Variants in POLK observed in about 807,000 individuals in gnomAD.
The protein encoded by POLK is DNA polymerase kappa.
Under a neutral mutation model 94.0 loss-of-function variants are expected in POLK, and 76 were observed. That is an observed-to-expected ratio of 0.81 (90% CI 0.67 to 0.98). The LOEUF is 0.98. Among genes scored for constraint, POLK ranks in the 50% least tolerant of loss-of-function variants. The probability of loss-of-function intolerance (pLI) is 0.00; values close to 1 mark genes in which losing one functional copy is unlikely to be tolerated. For synonymous variants in POLK, 349 were observed against 325.4 expected (o/e 1.07, Z -0.78); for missense variants, 954 against 1,010.1 (o/e 0.94, Z 0.75).
chr5:75,603,588 CA>C, downstream of POLK, among the ~76,000 whole-genome samples: 1 of 152,216 alleles, frequency 6.6e-6, no homozygotes, highest in Admixed American at 6.5e-5. Context: ...AGCCAGTTCA[CA>C]AAATTCCTGA....
intron 11 of POLK, among the ~76,000 whole-genome samples, chr5:75,592,908 T>C (rs1214071524): frequency 1.3e-5 from 2 of 151,336 alleles, no homozygotes; most frequent in Admixed American, 6.6e-5. Flanking sequence ...ATGTAAAAAT[T>C]AGCTGGGCAT....
downstream of POLK, among the ~76,000 whole-genome samples, chr5:75,602,300 CAG>C (rs1773312780): frequency 6.6e-6 from 1 of 152,182 alleles, no homozygotes; most frequent in Non-Finnish European, 1.5e-5. Context: ...CATTCAAAAA[CAG>C]ACATTCGCCA....
chr5:75,539,657 C>T (rs891636084), intron 1 of POLK, among the ~76,000 whole-genome samples: 1 of 152,020 alleles, frequency 6.6e-6, no homozygotes, highest in Non-Finnish European at 1.5e-5. Context: ...AGGCGTCTTA[C>T]TCTCTTGCCC....
intron 9 of POLK, among the ~76,000 whole-genome samples, chr5:75,586,673 T>G (rs920929165): frequency 1.3e-5 from 2 of 152,192 alleles, no homozygotes; most frequent in African/African-American, 4.8e-5. Context: ...TTAAATTATT[T>G]AACATTTAAT....
chr5:75,548,686 T>G (rs1770178798), intron 2 of POLK, among the ~76,000 whole-genome samples: 1 of 151,926 alleles, frequency 6.6e-6, no homozygotes, highest in East Asian at 1.9e-4. Flanking sequence ...GCAACTTACT[T>G]TAAAATGGTT....
intron 3 of POLK, among the ~76,000 whole-genome samples, chr5:75,566,731 G>A (rs1027350657): frequency 6.6e-6 from 1 of 152,096 alleles, no homozygotes; most frequent in Admixed American, 6.5e-5. Flanking sequence ...GAGGTGAGCC[G>A]GGTACCTCAG....
At chr5:75,552,348 G>A in intron 2 of POLK, 124 bp from the exon 3 acceptor site, 1 of 790,892 alleles carries the variant, frequency 1.3e-6, no homozygotes, top group East Asian at 2.8e-5. Context: ...CTAGTAAGTA[G>A]TAGAGCTAAG....
At chr5:75,534,125 G>T (rs1005183459) in intron 1 of POLK, among the ~76,000 whole-genome samples, 2 of 152,102 alleles carry the variant, frequency 1.3e-5, no homozygotes, top group African/African-American at 4.8e-5. Context: ...AATTAGCTGG[G>T]CATGGTGGTG....
In POLK at chr5:75,537,364, C is replaced by G. The variant is rs543543277; in HGVS notation, c.-13-9646C>G. ...GAAAGTGTGAATCCCCCTGGGGGCT[C>G]TCACTCACCGTTTGCGGTGTTGGTT... On this transcript the variant is annotated intron_variant, in intron 1 of 14. Transcript: ENST00000241436. 5.3e-5 allele frequency among the ~76,000 whole-genome samples: 8 copies of G among 152,338 alleles called. No individual in the cohort carries two copies. The South Asian group carries it at 1.5e-3, about 28-fold the overall frequency.
chr5:75,534,264 T>C (rs1191808746), intron 1 of POLK, among the ~76,000 whole-genome samples: 1 of 145,642 alleles, frequency 6.9e-6, no homozygotes, highest in Non-Finnish European at 1.5e-5. Flanking sequence ...AGACCCTGTC[T>C]TAAAAAAAAA....
chr5:75,565,083 T>A (rs1909719), intron 3 of POLK, among the ~76,000 whole-genome samples: 18,943 of 152,178 alleles, frequency 0.12, 1,292 homozygotes, highest in South Asian at 0.22. Flanking sequence ...TTGTTCCTTT[T>A]ATTCTTTTTT....
chr5:75,523,057 C>G (rs1768661817), intron 1 of POLK, among the ~76,000 whole-genome samples: 1 of 152,132 alleles, frequency 6.6e-6, no homozygotes, highest in African/African-American at 2.4e-5. Flanking sequence ...CTTCCCCTGT[C>G]TCAGGGTTAG....
exon 6 of POLK, chr5:75,576,825 A>C: frequency 6.5e-7 from 1 of 1,546,726 alleles, no homozygotes; most frequent in Non-Finnish European, 8.7e-7. Context: ...TATGGCCATG[A>C]GTCTTGATGA....
intron 4 of POLK, among the ~76,000 whole-genome samples, chr5:75,572,033 T>A (rs2112775030): frequency 6.6e-6 from 1 of 152,336 alleles, no homozygotes; most frequent in Non-Finnish European, 1.5e-5. Flanking sequence ...TTGAAAATCA[T>A]TAGACGAAAA....
At chr5:75,567,164 G>A (rs1475218753) in intron 3 of POLK, among the ~76,000 whole-genome samples, 1 of 152,138 alleles carries the variant, frequency 6.6e-6, no homozygotes, top group Non-Finnish European at 1.5e-5. Context: ...ATTAATATAT[G>A]AGTCTGAGGA....
At chr5:75,511,312 G>A (rs1245114881), upstream of POLK, 11 of 1,551,756 alleles carry the variant, frequency 7.1e-6, no homozygotes, top group Non-Finnish European at 7.8e-6. Context: ...GAAGCGAAGA[G>A]TGCCCGCTCC....
At chr5:75,590,354 G>A in exon 11 of POLK, 1 of 1,578,606 alleles carries the variant, frequency 6.3e-7, no homozygotes, top group South Asian at 1.1e-5. Context: ...GACATTCAGT[G>A]AGATAAATAA....
intron 11 of POLK, 114 bp downstream of exon 11, chr5:75,590,554 C>T (rs937638140): frequency 7.4e-5 from 50 of 679,678 alleles, no homozygotes; most frequent in Non-Finnish European, 9.0e-5. Flanking sequence ...AATTAATAAA[C>T]GTCAGAATAG....
At chr5:75,527,430 G>A (rs1228621729) in intron 1 of POLK, among the ~76,000 whole-genome samples, 1 of 150,148 alleles carries the variant, frequency 6.7e-6, no homozygotes, top group East Asian at 2.0e-4. Context: ...TGCAGTGGAA[G>A]GATTGAATGA....
Sources: gnomAD v4.1 joint callset for allele counts (sites outside exome capture counted in the v4.1 genomes callset) on GRCh38, gnomAD v4.1.1 for gene constraint, MANE v1.5 for transcripts, NCBI Gene and HGNC (gene_info 2026-07-23, HGNC 2026-07-21) for gene names.